CHD6: variants seen among roughly 807,000 people sequenced by gnomAD.
CHD6 encodes the protein chromodomain helicase DNA binding protein 6.
CHD6 carries 50 observed loss-of-function variants against 276.9 expected under a neutral mutation model. The ratio of observed to expected loss-of-function variants is 0.18; its 90% CI spans 0.14 to 0.23. The LOEUF (loss-of-function observed/expected upper bound fraction) is 0.23, where lower values mean the gene tolerates loss of function less well. CHD6 is among the 10% of genes least tolerant of loss of function. CHD6 has a pLI of 1.00. For synonymous variants in CHD6, 1,173 were observed against 1,229.3 expected (o/e 0.95, Z 0.96); for missense variants, 2,564 against 3,365.8 (o/e 0.76, Z 5.89).
At chr20:41,594,710 G>A (rs2045699692) in intron 1 of CHD6, among the ~76,000 whole-genome samples, 1 of 152,160 alleles carries the variant, frequency 6.6e-6, no homozygotes, top group African/African-American at 2.4e-5. Context: ...GCAAATCTCT[G>A]ACTCTGTAAA....
At chr20:41,464,969 A>G (rs2042887620) in intron 17 of CHD6, among the ~76,000 whole-genome samples, 1 of 152,252 alleles carries the variant, frequency 6.6e-6, no homozygotes, top group South Asian at 2.1e-4. Context: ...GTAATGGATT[A>G]TAAAATAAAA....
Position 41,413,361 on chromosome 20 carries a change from T to G in CHD6, c.7094A>C (p.Gln2365Pro). 1 of 1,611,390 alleles carries G rather than the reference T, an allele frequency of 6.2e-7. No homozygotes were observed. Among genetic ancestry groups the G allele is most frequent in the South Asian group, 1.1e-5 (1 of 90,744 alleles). The change falls in exon 35 of 37, where the codon CAG becomes CCG. Residue 2365 changes from glutamine to proline, a missense_variant. Transcript: ENST00000373233. ...SKSLLDWLRQQADYSLEVPGF... is the reference protein window; with the variant it reads ...SKSLLDWLRQPADYSLEVPGF... ...AGGAACTTCTAAGGAGTAGTCAGCC[T>G]GCTGCCTTAGCCAGTCAAGCAGACT...
At chr20:41,419,598 A>G (rs1353176333) in intron 31 of CHD6, among the ~76,000 whole-genome samples, 5 of 141,846 alleles carry the variant, frequency 3.5e-5, no homozygotes, top group South Asian at 2.4e-4. Flanking sequence ...AAAAGGCTAG[A>G]TAACTTGAGG....
chr20:41,451,942 G>A lies in CHD6; in HGVS notation c.3407C>T (p.Ala1136Val). The A allele has an allele frequency of 6.2e-7, 1 of 1,613,964 alleles. No individual in the cohort carries two copies. The highest frequency in any genetic ancestry group is 8.5e-7 in the Non-Finnish European group (1 of 1,179,886). Residue 1136 changes from alanine to valine, a missense_variant, in exon 22 of 37, where the codon GCC becomes GTC. Ala to Val is a moderately conservative substitution (Grantham distance 64). Transcript: ENST00000373233. ...NEKDMEMICRALLVYCVKHYK... is the reference protein window; with the variant it reads ...NEKDMEMICRVLLVYCVKHYK... Reference sequence around the variant, plus strand: ...ATGCTTGACACAGTACACCAGGAGGGCACGGCAAATCATCTCCATGTCCTT... The same window carrying A: ...ATGCTTGACACAGTACACCAGGAGGACACGGCAAATCATCTCCATGTCCTT...
rs1363542945 is a variant in CHD6 at position 41,576,940 on chromosome 20, G to T, written c.-23-25580C>A. 3.3e-5 allele frequency among the ~76,000 whole-genome samples: 5 copies of T among 152,286 alleles called. No homozygotes were observed. In the East Asian group the frequency reaches 9.7e-4, roughly 29 times the overall value. On this transcript the variant is annotated intron_variant, in intron 1 of 36. Transcript: ENST00000373233. ...ATAAAAACAGAGAAAGAGAAAGGTG[G>T]TTAACTTTTTTGTGAAAAACATGCC...
chr20:41,494,648 C>CCGTT (rs1212228975), intron 8 of CHD6, among the ~76,000 whole-genome samples: 1 of 152,138 alleles, frequency 6.6e-6, no homozygotes, highest in African/African-American at 2.4e-5. Flanking sequence ...GTTAACTGGA[C>CCGTT]CGTTCACCCA....
chr20:41,526,990 A>G (rs1380539529), intron 3 of CHD6, among the ~76,000 whole-genome samples: 1 of 152,218 alleles, frequency 6.6e-6, no homozygotes, highest in Admixed American at 6.5e-5. Context: ...CCAGAGATCC[A>G]GGTAGATAGA....
chr20:41,420,395 C>T (rs2047146361), intron 31 of CHD6, 113 bp downstream of exon 31: 1 of 1,159,654 alleles, frequency 8.6e-7, no homozygotes, highest in South Asian at 1.5e-5. Flanking sequence ...TGAGGGTAGG[C>T]AGGTCTGTTT....
chr20:41,453,771 G>A (rs1223788492), intron 20 of CHD6, among the ~76,000 whole-genome samples: 2 of 152,130 alleles, frequency 1.3e-5, no homozygotes, highest in African/African-American at 4.8e-5. Flanking sequence ...ACTTAGAACA[G>A]GTTACTAAAG....
In CHD6 at chr20:41,457,265, C is replaced by T; in HGVS notation, c.2828G>A (p.Gly943Glu). Residue 943 changes from glycine to glutamate, a missense_variant and splice_region_variant, in exon 18 of 37, where the codon GGG (glycine) becomes GAG (glutamate). Gly to Glu is a moderately conservative substitution (Grantham distance 98, BLOSUM62 -2). Around this residue, in one of 7 missense-constraint regions of CHD6, gnomAD observed 457 missense variants for 889.0 expected, o/e 0.51. Coordinates refer to ENST00000373233, the MANE Select transcript of CHD6 (RefSeq NM_032221.5). Reference sequence around the variant, plus strand: ...CCAGAGCAGGCCCATCACACTCACCCCATTGGTGCCGCCCTTTCGGTTGAT... The same window carrying T: ...CCAGAGCAGGCCCATCACACTCACCTCATTGGTGCCGCCCTTTCGGTTGAT... The part of the protein sequence containing the change: ...QDINRKGGTN[G>E]VQQLSKMEVE... 6.2e-7 allele frequency: 1 copy of T among 1,613,214 alleles called. No individual in the cohort carries two copies. Among genetic ancestry groups the T allele is most frequent in the Non-Finnish European group, 8.5e-7 (1 of 1,179,234 alleles).
In CHD6 at chr20:41,413,467, C is replaced by G. The variant is rs764618167; in HGVS notation, c.6988G>C (p.Glu2330Gln). The change falls in exon 35 of 37, where the codon GAG (glutamate) becomes CAG (glutamine). Residue 2330 changes from glutamate (E) to glutamine (Q), a missense_variant. This residue lies in a region of CHD6 where 1,024 missense variants were observed against 1,047.9 expected (regional missense o/e 0.98). Coordinates refer to ENST00000373233, the MANE Select transcript of CHD6 (RefSeq NM_032221.5). ...GCCGAGGTGGCAGGCCCTGGCCCCT[C>G]AGGGTGTGTGGTGCTCAAGGTGGCC... ...GQATLSTTHP[E>Q]GPGPATSAPE... 2 of 1,608,218 alleles carry G rather than the reference C, an allele frequency of 1.2e-6. No individual in the cohort carries two copies. The highest frequency in any genetic ancestry group is 4.5e-5 in the East Asian group (2 of 44,700).
intron 1 of CHD6, among the ~76,000 whole-genome samples, chr20:41,552,150 C>A (rs1179966651): frequency 6.6e-6 from 1 of 152,190 alleles, no homozygotes; most frequent in African/African-American, 2.4e-5. Flanking sequence ...AGTACTACTG[C>A]CTCAGATCTG....
intron 1 of CHD6, among the ~76,000 whole-genome samples, chr20:41,585,523 A>G (rs1601168237): frequency 6.6e-6 from 1 of 151,926 alleles, no homozygotes; most frequent in East Asian, 1.9e-4. Context: ...AAAAAAAAAA[A>G]AAAAAAAAGA....
intron 1 of CHD6, among the ~76,000 whole-genome samples, chr20:41,607,766 G>GAA (rs11086808): frequency 0.022 from 2,612 of 118,222 alleles, 65 homozygotes; most frequent in South Asian, 0.088. Context: ...CATTCCACAG[G>GAA]AAAAAAAAAA....
chr20:41,421,292 C>T lies in CHD6; in HGVS notation c.5343G>A (p.Leu1781=), dbSNP rs1263484668. 4 of 1,614,122 alleles carry T rather than the reference C, an allele frequency of 2.5e-6. No individual in the cohort carries two copies. Among genetic ancestry groups the T allele is most frequent in the Non-Finnish European group, 2.5e-6 (3 of 1,180,026 alleles). The part of the protein sequence containing the change: ...QANIKNGKHL[L]MSISKEGELC... ...GCTCCCCTTCCTTTGAAATAGACAT[C>T]AACAAATGTTTTCCATTTTTGATGT... The change falls in exon 31 of 37, where the codon TTG becomes TTA. Residue 1781 remains leucine (L), a synonymous_variant. Coordinates refer to ENST00000373233, the MANE Select transcript of CHD6 (RefSeq NM_032221.5).
At chr20:41,416,939 A>G in intron 32 of CHD6, 145 bp from the exon 33 acceptor site, 1 of 774,666 alleles carries the variant, frequency 1.3e-6, no homozygotes, top group South Asian at 2.0e-5. Context: ...TAAGGCTTAA[A>G]ATAAAAATCA....
intron 1 of CHD6, among the ~76,000 whole-genome samples, chr20:41,600,844 T>C (rs1053101862): frequency 1.3e-5 from 2 of 152,198 alleles, no homozygotes; most frequent in Non-Finnish European, 2.9e-5. Context: ...AGAGTTGCAG[T>C]GTGCCTACAG....
At chr20:41,417,430 T>C in intron 31 of CHD6, 81 bp from the exon 32 acceptor site, 2 of 1,266,568 alleles carry the variant, frequency 1.6e-6, no homozygotes, top group East Asian at 4.8e-5. Context: ...GGATATCCTC[T>C]TTTCCTTTTG....
chr20:41,545,805 C>T (rs1436996944), intron 2 of CHD6, among the ~76,000 whole-genome samples: 1 of 152,026 alleles, frequency 6.6e-6, no homozygotes, highest in Non-Finnish European at 1.5e-5. Context: ...TTCCCAAAAC[C>T]ACCTATATTA....
Sources: allele counts gnomAD v4.1 joint callset (sites outside exome capture counted in the v4.1 genomes callset), GRCh38; gene constraint gnomAD v4.1.1; regional missense constraint gnomAD v4.1.1; transcripts MANE v1.5; gene names NCBI Gene and HGNC (gene_info 2026-07-23, HGNC 2026-07-21).